The following XPNPEP1 variants were observed in gnomAD, a reference collection of about 807,000 sequenced individuals.
The protein encoded by XPNPEP1 is X-prolyl aminopeptidase 1.
Under a neutral mutation model 92.4 loss-of-function variants are expected in XPNPEP1, and 39 were observed. The observed-to-expected ratio is 0.42, with a 90% CI of 0.33 to 0.55. XPNPEP1 has a LOEUF of 0.55. XPNPEP1 is among the 20% of genes least tolerant of loss of function. The pLI, the probability that XPNPEP1 is intolerant of heterozygous loss-of-function variation, is 0.08. For missense variants in XPNPEP1, 654 were observed against 856.1 expected (o/e 0.76, Z 2.95); for synonymous variants, 307 against 299.4 (o/e 1.03, Z -0.26).
rs376736058 is a variant in XPNPEP1, at chr10:109,873,432, C to T, written c.1392-5G>A. 4,068 of 1,613,892 alleles carry T rather than the reference C, an allele frequency of 2.5e-3. 12 individuals are homozygous for T. The highest frequency in any genetic ancestry group is 2.8e-3 in the Non-Finnish European group (3,272 of 1,179,920). ...GTCACATCTGTGGTGCCATCCCTTT[C>T]CAAAAAAAGGACAAATTGGTTTCCC... On this transcript the variant is annotated splice_polypyrimidine_tract_variant and splice_region_variant and intron_variant, in intron 15 of 20. Coordinates refer to ENST00000502935, the MANE Select transcript of XPNPEP1 (RefSeq NM_020383.4).
At chr10:109,884,422 C>G (rs1218166998) in intron 8 of XPNPEP1, 1 of 378,662 alleles carries the variant, frequency 2.6e-6, no homozygotes, top group Admixed American at 4.6e-5. Context: ...ATCCTGAGAA[C>G]TGCCCCCACA....
intron 3 of XPNPEP1, among the ~76,000 whole-genome samples, chr10:109,907,063 A>G (rs1564786796): frequency 6.6e-6 from 1 of 152,208 alleles, no homozygotes; most frequent in East Asian, 1.9e-4. Context: ...CATGTCTAAT[A>G]CCTGAGATGG....
chr10:109,918,834 AGG>A (rs1564798822), intron 1 of XPNPEP1, among the ~76,000 whole-genome samples: 15 of 56,402 alleles, frequency 2.7e-4, no homozygotes, highest in African/African-American at 6.1e-4. Context: ...AAAGGAAAGG[AGG>A]AAGGAAGGAA....
rs967882870 is a variant in XPNPEP1, at chr10:109,877,987, A to G, written c.1241+13T>C. The G allele has an allele frequency of 1.2e-6, 2 of 1,614,246 alleles. No individual in the cohort carries two copies. Among genetic ancestry groups the G allele is most frequent in the South Asian group, 1.1e-5 (1 of 91,080 alleles). On this transcript the variant is annotated intron_variant, in intron 13 of 20. Coordinates refer to ENST00000502935, the MANE Select transcript of XPNPEP1 (RefSeq NM_020383.4). ...AGCACGAGGCTCCTGGGTCCCCCCA[A>G]ATGGATCCTTACCTGCGAAACTCCT...
Position 109,869,997 on chromosome 10 carries a change from T to C in XPNPEP1, c.1729A>G (p.Ile577Val). 1 of 1,614,162 alleles carries C rather than the reference T, an allele frequency of 6.2e-7. No individual in the cohort carries two copies. Among genetic ancestry groups the C allele is most frequent in the Middle Eastern group, 1.6e-4 (1 of 6,062 alleles). Residue 577 changes from isoleucine to valine, a missense_variant, in exon 19 of 21, where the codon ATT (isoleucine) becomes GTT (valine). By Grantham distance (29) the Ile-to-Val change is conservative (BLOSUM62 3). Transcript: ENST00000502935. ...PGYYEDGAFGIRIENVVLVVP... is the reference protein window; with the variant it reads ...PGYYEDGAFGVRIENVVLVVP... Reference sequence around the variant, plus strand: ...ACAAGGACAACATTCTCAATGCGAATTCCAAAAGCCCCATCTTCATAGTAC... The same window carrying C: ...ACAAGGACAACATTCTCAATGCGAACTCCAAAAGCCCCATCTTCATAGTAC...
chr10:109,919,543 G>A (rs1850412155), intron 1 of XPNPEP1, among the ~76,000 whole-genome samples: 1 of 152,116 alleles, frequency 6.6e-6, no homozygotes, highest in South Asian at 2.1e-4. Flanking sequence ...AATGTAAAAT[G>A]GTGTAATGGC....
At chr10:109,911,627 T>A (rs1316532675) in intron 2 of XPNPEP1, among the ~76,000 whole-genome samples, 2 of 152,224 alleles carry the variant, frequency 1.3e-5, no homozygotes, top group African/African-American at 4.8e-5. Flanking sequence ...CAAACCATAT[T>A]TCTGAGCAAG....
At chr10:109,866,057 C>G (rs1265177589) in intron 20 of XPNPEP1, among the ~76,000 whole-genome samples, 1 of 152,274 alleles carries the variant, frequency 6.6e-6, no homozygotes, top group South Asian at 2.1e-4. Flanking sequence ...TGGAGTGAAG[C>G]AGGTTTTACC....
intron 3 of XPNPEP1, among the ~76,000 whole-genome samples, chr10:109,895,161 G>A (rs1430874996): frequency 8.5e-5 from 13 of 152,188 alleles, no homozygotes; most frequent in Non-Finnish European, 1.5e-4. Flanking sequence ...AAATCACTGC[G>A]CACAATGGGG....
At position 109,916,137 on chromosome 10, in the gene XPNPEP1, G is replaced by A. The variant is rs143736290; in HGVS notation, c.33-1038C>T. Among the ~76,000 whole-genome samples, 11 of 152,300 alleles carry A rather than the reference G, an allele frequency of 7.2e-5. No homozygotes were observed. The East Asian group carries it at 1.9e-3, about 27-fold the overall frequency. ...GAAAAAAAGTAAAGCACAGCAAGGG[G>A]AAGAAAGCATCAAGGAGGTAAGGGG... On this transcript the variant is annotated intron_variant, in intron 1 of 20. Coordinates refer to ENST00000502935, the MANE Select transcript of XPNPEP1 (RefSeq NM_020383.4).
chr10:109,890,061 T>C (rs1848612763), intron 5 of XPNPEP1, among the ~76,000 whole-genome samples: 1 of 152,072 alleles, frequency 6.6e-6, no homozygotes, highest in South Asian at 2.1e-4. Context: ...ACCCCAGGGA[T>C]GAATCACTCA....
intron 14 of XPNPEP1, chr10:109,876,398 T>G (rs1286803529): frequency 6.6e-6 from 1 of 152,126 alleles, no homozygotes; most frequent in Non-Finnish European, 1.5e-5. Flanking sequence ...AGACAACCAG[T>G]ACCTCCAGAA....
chr10:109,916,846 A>G (rs1850219460), intron 1 of XPNPEP1, among the ~76,000 whole-genome samples: 1 of 152,230 alleles, frequency 6.6e-6, no homozygotes, highest in South Asian at 2.1e-4. Flanking sequence ...TTATTATAAC[A>G]GGCCATATCA....
chr10:109,885,303 G>C (rs1274222387), intron 8 of XPNPEP1, among the ~76,000 whole-genome samples: 1 of 152,170 alleles, frequency 6.6e-6, no homozygotes, highest in Non-Finnish European at 1.5e-5. Flanking sequence ...TACTGATACA[G>C]TGAAAAAATC....
intron 20 of XPNPEP1, among the ~76,000 whole-genome samples, chr10:109,865,570 G>C (rs1847093311): frequency 6.6e-6 from 1 of 152,230 alleles, no homozygotes; most frequent in Non-Finnish European, 1.5e-5. Flanking sequence ...CTCTAAGCCA[G>C]TAGCTCCTGC....
At chr10:109,903,845 CTT>C (rs111845864) in intron 3 of XPNPEP1, among the ~76,000 whole-genome samples, 77 of 135,408 alleles carry the variant, frequency 5.7e-4, no homozygotes, top group Admixed American at 5.9e-4. Context: ...GTTGGTCAAT[CTT>C]TTTTTTTTTT....
In XPNPEP1 at chr10:109,877,620, G is replaced by C; in HGVS notation, c.1319+170C>G. On this transcript the variant is annotated intron_variant, in intron 14 of 20. Coordinates refer to ENST00000502935, the MANE Select transcript of XPNPEP1 (RefSeq NM_020383.4). ...GAGGCTCCCAAAAGGCAGAGGCTTG[G>C]GGATTGGGAGAAAATAAAATCTTAG... 4 of 820,622 alleles carry C rather than the reference G, an allele frequency of 4.9e-6. No homozygotes were observed. The South Asian group carries it at 7.1e-5, about 15-fold the overall frequency. The allele number at this position is 820,622 out of a possible 1,614,324, so 50.8% of individuals were successfully genotyped here. A position where few individuals can be genotyped will look rare whatever the true frequency, so the allele number is the denominator to read the frequency against.
At chr10:109,891,066 G>A (rs1485005673) in intron 5 of XPNPEP1, among the ~76,000 whole-genome samples, 2 of 152,172 alleles carry the variant, frequency 1.3e-5, no homozygotes, top group African/African-American at 4.8e-5. Context: ...TTAATGACAG[G>A]AAAGTACACA....
intron 8 of XPNPEP1, 143 bp from the exon 9 acceptor site, chr10:109,884,291 A>C: frequency 1.4e-5 from 10 of 715,434 alleles, no homozygotes; most frequent in South Asian, 6.0e-5. Context: ...TGGAAGCCTG[A>C]CTCCCGTCTG....
Sources: gnomAD v4.1 joint callset for allele counts (sites outside exome capture counted in the v4.1 genomes callset) on GRCh38, gnomAD v4.1.1 for gene constraint, MANE v1.5 for transcripts, NCBI Gene and HGNC (gene_info 2026-07-23, HGNC 2026-07-21) for gene names.